Variants in NTNG1 observed in about 807,000 individuals in gnomAD.
The protein encoded by NTNG1 is netrin G1.
A neutral mutation model predicts 54.0 loss-of-function variants in NTNG1; 16 were observed. That is an observed-to-expected ratio of 0.30 (90% CI 0.20 to 0.45). NTNG1 has a LOEUF of 0.45. Among genes scored for constraint, NTNG1 ranks in the 20% least tolerant of loss-of-function variants. The probability of loss-of-function intolerance (pLI) is 1.00; values close to 1 mark genes in which losing one functional copy is unlikely to be tolerated. For missense variants in NTNG1, 530 were observed against 678.7 expected, an observed-to-expected ratio of 0.78 and a Z score of 2.43; for synonymous variants, 255 against 263.1, an observed-to-expected ratio of 0.97 and a Z score of 0.30.
At chr1:107,289,073 T>C (rs1665406042) in intron 2 of NTNG1, among the ~76,000 whole-genome samples, 1 of 152,172 alleles carries the variant, frequency 6.6e-6, no homozygotes, top group African/African-American at 2.4e-5. Context: ...CTCTTTATTC[T>C]TGTCAGTCTA....
intron 2 of NTNG1, among the ~76,000 whole-genome samples, chr1:107,175,906 A>C (rs1038137596): frequency 1.3e-5 from 2 of 152,224 alleles, no homozygotes; most frequent in African/African-American, 4.8e-5. Context: ...TCTGCATAGG[A>C]TCATAAGTAG....
intron 7 of NTNG1, among the ~76,000 whole-genome samples, chr1:107,468,275 T>C (rs1169388996): frequency 2.0e-5 from 3 of 152,244 alleles, no homozygotes; most frequent in Admixed American, 2.0e-4. Context: ...AGGAGACGTT[T>C]GGCTATAGCT....
At chr1:107,463,405 G>C (rs1277933518) in intron 7 of NTNG1, among the ~76,000 whole-genome samples, 1 of 151,902 alleles carries the variant, frequency 6.6e-6, no homozygotes, top group Non-Finnish European at 1.5e-5. Flanking sequence ...TTTATAACTT[G>C]GTCATAAAAA....
At chr1:107,202,969 A>G (rs1207578724) in intron 2 of NTNG1, among the ~76,000 whole-genome samples, 1 of 151,950 alleles carries the variant, frequency 6.6e-6, no homozygotes, top group Admixed American at 6.6e-5. Flanking sequence ...GAGATCTATT[A>G]CATTTTAATG....
At chr1:107,173,727 C>CT (rs34761958) in intron 2 of NTNG1, among the ~76,000 whole-genome samples, 2,831 of 118,530 alleles carry the variant, frequency 0.024, 44 homozygotes, top group Middle Eastern at 0.046. Context: ...TTCTTTCTTT[C>CT]TTTTTTTTTT....
chr1:107,264,841 T>C (rs900140217), intron 2 of NTNG1, among the ~76,000 whole-genome samples: 3 of 152,188 alleles, frequency 2.0e-5, no homozygotes, highest in Admixed American at 1.3e-4. Flanking sequence ...ATTCCAGCCT[T>C]GAGGAAACAT....
chr1:107,217,291 T>C (rs1660034543), intron 2 of NTNG1, among the ~76,000 whole-genome samples: 1 of 152,154 alleles, frequency 6.6e-6, no homozygotes. Flanking sequence ...GGTTGTAATA[T>C]CTTCCATTTC....
At position 107,236,255 on chromosome 1, in the gene NTNG1, C is replaced by T. The variant is rs144191652; in HGVS notation, c.246+87416C>T. On this transcript the variant is annotated intron_variant, in intron 2 of 7. Transcript: ENST00000370068. The stretch of plus-strand genomic sequence containing the variant: ...AGCAGGAAGAGCAGGGAGTGAAATA[C>T]TTAAAGTGTTGAATGCAAAGAATGC... Among the ~76,000 whole-genome samples, 91 of 152,242 alleles carry T rather than the reference C, an allele frequency of 6.0e-4. 1 individual carries two copies. In the East Asian group the frequency reaches 0.011, roughly 19 times the overall value.
chr1:107,187,773 G>A (rs1657574255), intron 2 of NTNG1, among the ~76,000 whole-genome samples: 1 of 152,108 alleles, frequency 6.6e-6, no homozygotes, highest in Non-Finnish European at 1.5e-5. Flanking sequence ...TGCCTCAGGT[G>A]TCGGCAAGGA....
intron 3 of NTNG1, among the ~76,000 whole-genome samples, chr1:107,377,946 A>G (rs542491954): frequency 6.6e-6 from 1 of 152,224 alleles, no homozygotes; most frequent in Non-Finnish European, 1.5e-5. Context: ...AAAGTTCACC[A>G]AAGTGATTTT....
chr1:107,197,609 A>G (rs556856979), intron 2 of NTNG1, among the ~76,000 whole-genome samples: 28 of 152,100 alleles, frequency 1.8e-4, no homozygotes, highest in African/African-American at 6.7e-4. Context: ...GTGCAGGACT[A>G]CATTCTGGCT....
At chr1:107,400,607 G>T (rs570475776) in intron 4 of NTNG1, among the ~76,000 whole-genome samples, 1 of 151,770 alleles carries the variant, frequency 6.6e-6, no homozygotes, top group Non-Finnish European at 1.5e-5. Flanking sequence ...TTTAAGAATA[G>T]GTCCATGTTT....
intron 2 of NTNG1, among the ~76,000 whole-genome samples, chr1:107,164,101 G>C (rs1310872233): frequency 6.6e-6 from 1 of 152,170 alleles, no homozygotes; most frequent in Admixed American, 6.6e-5. Context: ...TGTTCAATTA[G>C]AGACAGCAAC....
At chr1:107,460,840 C>T (rs1261089783) in intron 7 of NTNG1, among the ~76,000 whole-genome samples, 1 of 152,152 alleles carries the variant, frequency 6.6e-6, no homozygotes, top group Non-Finnish European at 1.5e-5. Flanking sequence ...AGATATTTAA[C>T]TCTAGAGGGT....
intron 7 of NTNG1, 40 bp from the exon 8 acceptor site, chr1:107,480,571 C>CCCCCCCCCCA: frequency 1.8e-6 from 1 of 561,598 alleles, no homozygotes; most frequent in Non-Finnish European, 3.4e-6. Context: ...GCTTCTCCTC[C>CCCCCCCCCCA]CCGCGCCCAC....
At chr1:107,315,369 A>T (rs902367533) in intron 2 of NTNG1, among the ~76,000 whole-genome samples, 5 of 152,106 alleles carry the variant, frequency 3.3e-5, no homozygotes, top group Non-Finnish European at 7.3e-5. Context: ...ATCCACACAG[A>T]AGGCAAAAAG....
rs965545225 is a variant in NTNG1, at chr1:107,484,485, A to G, written c.*3645A>G. Among the ~76,000 whole-genome samples, 1 of 152,162 alleles carries G rather than the reference A, an allele frequency of 6.6e-6. No individual in the cohort carries two copies. Among genetic ancestry groups the G allele is most frequent in the African/African-American group, 2.4e-5 (1 of 41,428 alleles). ...ATGTGGCATGGGGTCCTCCATTGGT[A>G]CTTTTGCACAAGATCCTGCAGACAT... is the stretch of plus-strand genomic sequence containing the variant. On this transcript the variant is annotated 3_prime_UTR_variant, in exon 8 of 8. Coordinates refer to ENST00000370068, the MANE Select transcript of NTNG1 (RefSeq NM_001113226.3).
chr1:107,391,959 G>C (rs536431638), intron 3 of NTNG1, among the ~76,000 whole-genome samples: 2 of 152,158 alleles, frequency 1.3e-5, no homozygotes, highest in African/African-American at 4.8e-5. Flanking sequence ...TGCCAGATTA[G>C]ATGTGGTAGG....
chr1:107,290,964 T>TATATAC (rs1557873454), intron 2 of NTNG1, among the ~76,000 whole-genome samples: 1 of 57,734 alleles, frequency 1.7e-5, no homozygotes, highest in East Asian at 5.6e-4. Flanking sequence ...ATATATATAT[T>TATATAC]ATATATATAT....
Sources: allele counts gnomAD v4.1 joint callset (sites outside exome capture counted in the v4.1 genomes callset), GRCh38; gene constraint gnomAD v4.1.1; transcripts MANE v1.5; gene names NCBI Gene and HGNC (gene_info 2026-07-23, HGNC 2026-07-21).